Variants in ARX observed in about 807,000 individuals in gnomAD.
ARX encodes aristaless related homeobox.
Under a neutral mutation model 23.1 loss-of-function variants are expected in ARX, and 1 was observed. The ratio of observed to expected loss-of-function variants is 0.04; its 90% CI spans 0.02 to 0.21. The LOEUF (loss-of-function observed/expected upper bound fraction) is 0.21, where lower values mean the gene tolerates loss of function less well. ARX is among the 10% of genes least tolerant of loss of function. ARX has a pLI of 1.00. For synonymous variants in ARX, 301 were observed against 270.1 expected, an observed-to-expected ratio of 1.11 and a Z score of -1.12; for missense variants, 380 against 527.5, an observed-to-expected ratio of 0.72 and a Z score of 2.74.
At chrX:25,014,260 C>T (rs955687739) in intron 1 of ARX, among the ~76,000 whole-genome samples, 1 of 111,145 alleles carries the variant, frequency 9.0e-6, no homozygotes, top group African/African-American at 3.3e-5. Context: ...ATTCCTTTCT[C>T]TTTCCCCTTT....
Position 25,004,663 on chromosome X carries a change from G to A in ARX, c.*7C>T. ...CGCGCGCGGGGCGCGGGTGTGGAGG[G>A]CAGCCTTTAGCACACCTCCTTGCCC... On this transcript the variant is annotated 3_prime_UTR_variant, in exon 5 of 5. Transcript: ENST00000379044. 1 of 1,164,748 alleles carries A rather than the reference G, an allele frequency of 8.6e-7. No homozygotes were observed. Among genetic ancestry groups the A allele is most frequent in the South Asian group, 1.9e-5 (1 of 52,630 alleles).
At chrX:25,006,423 T>G (rs1469243449) in intron 4 of ARX, 1 of 113,131 alleles carries the variant, frequency 8.8e-6, no homozygotes, top group African/African-American at 3.2e-5. Context: ...TTCACTGCGC[T>G]AACACAATAC....
chrX:25,008,048 A>G (rs1302955523), intron 3 of ARX, among the ~76,000 whole-genome samples: 1 of 112,740 alleles, frequency 8.9e-6, no homozygotes, highest in Non-Finnish European at 1.9e-5. Context: ...AAGTGGAAAG[A>G]TAGTTCATTT....
chrX:25,010,402 T>C, intron 2 of ARX, 97 bp from the exon 3 acceptor site: 3 of 1,029,548 alleles, frequency 2.9e-6, no homozygotes, highest in Non-Finnish European at 2.7e-6. Context: ...TCCACCAGGG[T>C]CTCCCCTGGC....
Position 25,007,272 on chromosome X carries a change from A to C in ARX, c.1287T>G (p.Ala429=), listed in dbSNP as rs1291425262. Residue 429 remains alanine, a synonymous_variant, in exon 4 of 5, where the codon GCT becomes GCG. Transcript: ENST00000379044. The part of the protein sequence containing the change: ...FPPHHPALDS[A]WTAAAAAAAA... ...CGGCGGCGGCGGCAGCGGCAGTCCA[A>C]GCGGAGTCGAGCGCCGGGTGGTGCG... 9.0e-7 allele frequency: 1 copy of C among 1,115,971 alleles called. No homozygotes were observed. The highest frequency in any genetic ancestry group is 1.9e-5 in the African/African-American group (1 of 52,902). 92.0% of individuals were successfully genotyped at this position (1,115,971 alleles called of 1,213,427 possible).
At chrX:25,012,827 C>G in intron 2 of ARX, 95 bp downstream of exon 2, 1 of 1,158,843 alleles carries the variant, frequency 8.6e-7, no homozygotes. Context: ...GCCAAGCGTC[C>G]GCCCCGAGGC....
chrX:25,007,345 G>T lies in ARX; in HGVS notation c.1214C>A (p.Ser405Tyr). 1 of 1,145,152 alleles carries T rather than the reference G, an allele frequency of 8.7e-7. No individual in the cohort carries two copies. 94.4% of individuals were successfully genotyped at this position (1,145,152 alleles called of 1,213,427 possible). Residue 405 changes from serine (S) to tyrosine (Y), a missense_variant, in exon 4 of 5, where the codon TCC (serine) becomes TAC (tyrosine). Transcript: ENST00000379044. ...GTAGGGGCTGAGCGGGTGGGTGGCG[G>T]AGAGCGGCCCCGGGAAGGGCAGCCC... is the stretch of plus-strand genomic sequence containing the variant. ...PPGLPFPGPL[S>Y]ATHPLSPYLD...
chrX:25,014,137 TTTTC>T (rs764577494), intron 1 of ARX, among the ~76,000 whole-genome samples: 153 of 109,097 alleles, frequency 1.4e-3, no homozygotes, highest in African/African-American at 4.6e-3. Context: ...TCCTTACCTT[TTTTC>T]TTTTTCTTTC....
At chrX:25,007,013 T>A in intron 4 of ARX, 98 bp downstream of exon 4, 1 of 987,897 alleles carries the variant, frequency 1.0e-6, no homozygotes, top group Non-Finnish European at 1.4e-6. Flanking sequence ...AAGAAAAAGA[T>A]GTGTGTAACC....
intron 4 of ARX, chrX:25,006,572 G>C (rs1295192673): frequency 1.6e-5 from 1 of 61,334 alleles, no homozygotes; most frequent in African/African-American, 6.3e-5. Context: ...ATCGGGGCTT[G>C]CACATATGGG....
In ARX at chrX:25,015,572, T is replaced by C. The variant is rs144098296; in HGVS notation, c.166A>G (p.Ser56Gly). 3.3e-6 allele frequency: 4 copies of C among 1,209,676 alleles called. No individual in the cohort carries two copies. The African/African-American group carries it at 7.0e-5, about 21-fold the overall frequency. Reference protein sequence around the residue: ...AAQSLPAPLTSRADPEKAVQG... With the variant: ...AAQSLPAPLTGRADPEKAVQG... ...ACGGCCTTTTCCGGGTCGGCGCGGCTGGTCAGCGGAGCAGGCAAGCTCTGC... is the reference window on the plus strand; with the variant it reads ...ACGGCCTTTTCCGGGTCGGCGCGGCCGGTCAGCGGAGCAGGCAAGCTCTGC... The change falls in exon 1 of 5, where the codon AGC (serine) becomes GGC (glycine). Residue 56 changes from serine (S) to glycine (G), a missense_variant. Physicochemically the swap from Ser to Gly is moderately conservative, Grantham distance 56. This residue lies in a region of ARX where 235 missense variants were observed against 270.2 expected (regional missense o/e 0.87). Coordinates refer to ENST00000379044, the MANE Select transcript of ARX (RefSeq NM_139058.3).
In ARX at chrX:25,007,376, G is replaced by T. The variant is rs1314631715; in HGVS notation, c.1183C>A (p.Pro395Thr). ...GGCCCCGGGAAGGGCAGCCCAGGGG[G>T]GTGGGTCTGCGCGCCTGCCTTCTCC... is the stretch of plus-strand genomic sequence containing the variant. ...KREKAGAQTH[P>T]PGLPFPGPLS... The change falls in exon 4 of 5, where the codon CCC (proline) becomes ACC (threonine). Residue 395 changes from proline to threonine, a missense_variant. By Grantham distance (38) the Pro-to-Thr change is conservative. Coordinates refer to ENST00000379044, the MANE Select transcript of ARX (RefSeq NM_139058.3). 6 of 1,152,836 alleles carry T rather than the reference G, an allele frequency of 5.2e-6. No individual in the cohort carries two copies. The South Asian group carries it at 9.6e-5, about 18-fold the overall frequency.
chrX:25,007,998 C>T (rs146650939), intron 3 of ARX, among the ~76,000 whole-genome samples: 4,053 of 111,311 alleles, frequency 0.036, 191 homozygotes, highest in African/African-American at 0.13. Flanking sequence ...TTCAGATTTA[C>T]GCAAGAGCTG....
chrX:25,013,098 C>T lies in ARX; in HGVS notation c.897G>A (p.Pro299=). ...CGCCGTCCTTGCCCTCAGCGTCTTC[C>T]GGGTGCAGCAGCAGCTCCTCCTTGG... ...LSPKEELLLH[P]EDAEGKDGED... is the part of the protein sequence containing the mutation. Residue 299 remains proline (P), a synonymous_variant, in exon 2 of 5, where the codon CCG becomes CCA. Coordinates refer to ENST00000379044, the MANE Select transcript of ARX (RefSeq NM_139058.3). 1 of 1,202,580 alleles carries T rather than the reference C, an allele frequency of 8.3e-7. No individual in the cohort carries two copies. Among genetic ancestry groups the T allele is most frequent in the Non-Finnish European group, 1.1e-6 (1 of 891,216 alleles).
Position 25,011,376 on chromosome X carries a change from G to A in ARX, c.1074-1071C>T, listed in dbSNP as rs191263943. ...CCCTGGGTTGGAAAGAGGTGGGGGT[G>A]GGGCGGGGAAGAGGAGCTGCCCCTC... is the stretch of plus-strand genomic sequence containing the variant. On this transcript the variant is annotated intron_variant, in intron 2 of 4. Transcript: ENST00000379044. Among the ~76,000 whole-genome samples, 326 of 112,152 alleles carry A rather than the reference G, an allele frequency of 2.9e-3. 1 individual carries two copies. The highest frequency in any genetic ancestry group is 5.2e-3 in the Non-Finnish European group (274 of 53,147).
chrX:25,011,338 A>C (rs753298736), intron 2 of ARX, among the ~76,000 whole-genome samples: 2 of 110,977 alleles, frequency 1.8e-5, no homozygotes, highest in African/African-American at 6.6e-5. Context: ...GGCCGGAGCC[A>C]AGGGGCTCAA....
rs966816905 is a variant in ARX, at chrX:25,013,403, C to T, written c.592G>A (p.Val198Ile). 5.6e-6 allele frequency: 6 copies of T among 1,069,487 alleles called. No homozygotes were observed. The highest frequency in any genetic ancestry group is 7.8e-5 in the East Asian group (2 of 25,784). 88.1% of individuals were successfully genotyped at this position (1,069,487 alleles called of 1,213,427 possible). A position where few individuals can be genotyped will look rare whatever the true frequency, so the allele number is the denominator to read the frequency against. ...CCGAGGCGCTCCTCCGGGTGCGTGA[C>T]GCCCCCCGGGCCGCCCAGCTCGTCC... is the stretch of plus-strand genomic sequence containing the variant. ...ALDELGGPGG[V>I]THPEERLGVA... is the part of the protein sequence containing the mutation. Residue 198 changes from valine to isoleucine, a missense_variant, in exon 2 of 5, where the codon GTC becomes ATC. Around this residue, in one of 3 missense-constraint regions of ARX, gnomAD observed 235 missense variants for 270.2 expected, o/e 0.87. Transcript: ENST00000379044.
chrX:25,010,173 C>G (rs988846327), intron 3 of ARX, 87 bp downstream of exon 3: 4 of 957,968 alleles, frequency 4.2e-6, no homozygotes, highest in Non-Finnish European at 5.9e-6. Flanking sequence ...TCTCACCCCC[C>G]GCACCCCCCC....
chrX:25,005,947 T>A (rs2048676110), intron 4 of ARX: 1 of 111,478 alleles, frequency 9.0e-6, no homozygotes, highest in Non-Finnish European at 1.9e-5. Context: ...ATTCCGGATT[T>A]CCAGGGTTAG....
Sources: gnomAD v4.1 joint callset for allele counts (sites outside exome capture counted in the v4.1 genomes callset) on GRCh38, gnomAD v4.1.1 for gene constraint, gnomAD v4.1.1 regional missense constraint, MANE v1.5 for transcripts, NCBI Gene and HGNC (gene_info 2026-07-23, HGNC 2026-07-21) for gene names.